SEMA5B: variants seen among roughly 807,000 people sequenced by gnomAD.
The protein encoded by SEMA5B is semaphorin-5B.
Under a neutral mutation model 135.0 loss-of-function variants are expected in SEMA5B, and 66 were observed. The observed-to-expected ratio is 0.49, with a 90% CI of 0.40 to 0.60. The LOEUF (loss-of-function observed/expected upper bound fraction) is 0.60. Among genes scored for constraint, SEMA5B ranks in the 20% least tolerant of loss-of-function variants. The pLI is 0.00. For missense variants in SEMA5B, 1,501 were observed against 1,566.3 expected (o/e 0.96, Z 0.70); for synonymous variants, 690 against 639.5 (o/e 1.08, Z -1.19).
rs2107605399 is a variant in SEMA5B, at chr3:122,961,311, G to T, written c.-38-10C>A. 4 of 1,612,170 alleles carry T rather than the reference G, an allele frequency of 2.5e-6. No individual in the cohort carries two copies. The highest frequency in any genetic ancestry group is 2.2e-5 in the East Asian group (1 of 44,858). ...CAGCTGGAACCACTCACTGAAGGGG[G>T]AGAATTTTGGGTAAGTCATGGATAC... On this transcript the variant is annotated splice_polypyrimidine_tract_variant and intron_variant, in intron 1 of 22. Coordinates refer to ENST00000357599, the MANE Select transcript of SEMA5B (RefSeq NM_001031702.4).
intron 2 of SEMA5B, 74 bp downstream of exon 2, chr3:122,961,066 A>AG (rs907567878): frequency 6.9e-7 from 1 of 1,458,134 alleles, no homozygotes; most frequent in African/African-American, 1.4e-5. Flanking sequence ...GCCCCAGATG[A>AG]GGGGGTCTTC....
At chr3:123,014,187 A>G (rs1426204563) in intron 1 of SEMA5B, among the ~76,000 whole-genome samples, 1 of 152,210 alleles carries the variant, frequency 6.6e-6, no homozygotes, top group Non-Finnish European at 1.5e-5. Flanking sequence ...TGGGCCACAC[A>G]GTCCTCACTA....
chr3:123,004,559 T>C (rs1344946678), intron 1 of SEMA5B, among the ~76,000 whole-genome samples: 1 of 152,208 alleles, frequency 6.6e-6, no homozygotes, highest in African/African-American at 2.4e-5. Context: ...TGGCTAACAA[T>C]GTAAAACTGT....
intron 1 of SEMA5B, among the ~76,000 whole-genome samples, chr3:122,983,056 G>T (rs1188913308): frequency 6.6e-6 from 1 of 152,094 alleles, no homozygotes; most frequent in African/African-American, 2.4e-5. Flanking sequence ...GCCAGGCAGG[G>T]CGGCTGCGGG....
At chr3:122,997,518 T>TCTCCCCC (rs764169923) in intron 1 of SEMA5B, among the ~76,000 whole-genome samples, 1,945 of 141,842 alleles carry the variant, frequency 0.014, 58 homozygotes, top group South Asian at 0.034. Context: ...CCCAGGCCTC[T>TCTCCCCC]CCCCCCCCCG....
At chr3:123,023,719 A>G (rs1942740891) in intron 1 of SEMA5B, among the ~76,000 whole-genome samples, 1 of 152,232 alleles carries the variant, frequency 6.6e-6, no homozygotes, top group Non-Finnish European at 1.5e-5. Flanking sequence ...CCACAGGGGA[A>G]AAAACACCAC....
chr3:122,948,615 G>C lies in SEMA5B; in HGVS notation c.219C>G (p.Ser73Arg), dbSNP rs761479180. ...GPLAVSLLLP[S>R]LTLLVSHLSS... ...AGAGGTGGGACACCAGCAGTGTGAG[G>C]CTGGGCAGCAACAGCGAGACAGCCA... Residue 73 changes from serine (S) to arginine (R), a missense_variant, in exon 3 of 23, where the codon AGC becomes AGG. By Grantham distance (110) the Ser-to-Arg change is moderately radical. Transcript: ENST00000357599. 11 of 1,614,038 alleles carry C rather than the reference G, an allele frequency of 6.8e-6. No individual in the cohort carries two copies. The South Asian group carries it at 1.2e-4, about 18-fold the overall frequency.
At position 122,949,624 on chromosome 3, in the gene SEMA5B, G is replaced by GACAT. The variant is rs1165385665; in HGVS notation, c.125-916_125-915insATGT. On this transcript the variant is annotated intron_variant, in intron 2 of 22. Transcript: ENST00000357599. Reference sequence around the variant, plus strand: ...TACTAACAAATTAGCCACATTATAAGACAGTATGGCTCAGGAGTCATTCAG... The same window carrying GACAT: ...TACTAACAAATTAGCCACATTATAAGACATACAGTATGGCTCAGGAGTCATTCAG... Among the ~76,000 whole-genome samples, 3 of 152,202 alleles carry GACAT rather than the reference G, an allele frequency of 2.0e-5. No individual in the cohort carries two copies. The East Asian group carries it at 5.8e-4, about 29-fold the overall frequency.
chr3:122,915,952 G>T, intron 12 of SEMA5B, 62 bp from the exon 13 acceptor site: 1 of 1,110,174 alleles, frequency 9.0e-7, no homozygotes, highest in South Asian at 1.2e-5. Context: ...TGCATCTCAG[G>T]AACACACGTG....
In SEMA5B at chr3:122,913,048, GA is replaced by G; in HGVS notation, c.2519del (p.Val840AlafsTer13). On this transcript the variant is annotated frameshift_variant, in exon 18 of 23. Coordinates refer to ENST00000357599, the MANE Select transcript of SEMA5B (RefSeq NM_001031702.4). LOFTEE classifies it high-confidence loss of function. ...GSCDTDALVE[V>X]LLRSGSTSPH... The stretch of plus-strand genomic sequence containing the variant: ...GGGAGGTGCTCCCGCTGCGCAGGAG[GA>G]CCTCCACCAGGGCTGCGGAGGGGCT... 1.3e-6 allele frequency: 2 copies of G among 1,545,578 alleles called. No homozygotes were observed. Among genetic ancestry groups the G allele is most frequent in the Non-Finnish European group, 1.7e-6 (2 of 1,147,498 alleles).
chr3:122,913,034 C>T lies in SEMA5B; in HGVS notation c.2534G>A (p.Gly845Glu), dbSNP rs1310743818. Reference sequence around the variant, plus strand: ...GCTCACCGTGTGCGGGGAGGTGCTCCCGCTGCGCAGGAGGACCTCCACCAG... The same window carrying T: ...GCTCACCGTGTGCGGGGAGGTGCTCTCGCTGCGCAGGAGGACCTCCACCAG... ...DALVEVLLRS[G>E]STSPHTVSGG... Residue 845 changes from glycine (G) to glutamate (E), a missense_variant, in exon 18 of 23, where the codon GGG becomes GAG. By Grantham distance (98) the Gly-to-Glu change is moderately conservative (BLOSUM62 -2). Coordinates refer to ENST00000357599, the MANE Select transcript of SEMA5B (RefSeq NM_001031702.4). 8 of 1,571,378 alleles carry T rather than the reference C, an allele frequency of 5.1e-6. No individual in the cohort carries two copies. The highest frequency in any genetic ancestry group is 1.4e-5 in the African/African-American group (1 of 73,718).
intron 1 of SEMA5B, among the ~76,000 whole-genome samples, chr3:122,976,866 A>G (rs1233828301): frequency 6.6e-6 from 1 of 152,200 alleles, no homozygotes. Flanking sequence ...CCTTGCCAAC[A>G]TGATGAAACC....
intron 2 of SEMA5B, among the ~76,000 whole-genome samples, chr3:122,954,950 G>C (rs1276618119): frequency 6.7e-6 from 1 of 149,984 alleles, no homozygotes; most frequent in African/African-American, 2.5e-5. Context: ...ATACCACCAG[G>C]CTGGGCAATT....
intron 1 of SEMA5B, among the ~76,000 whole-genome samples, chr3:122,966,405 C>T (rs1048042829): frequency 1.3e-5 from 2 of 152,194 alleles, no homozygotes; most frequent in African/African-American, 4.8e-5. Flanking sequence ...GTCTGTAGTA[C>T]TGCCTGAAAT....
intron 3 of SEMA5B, among the ~76,000 whole-genome samples, chr3:122,946,486 G>T (rs564020287): frequency 6.6e-6 from 1 of 152,224 alleles, no homozygotes; most frequent in East Asian, 1.9e-4. Context: ...GCTGGGGTTG[G>T]TGCTGTCCTT....
At chr3:122,942,948 T>C (rs1318960202) in intron 4 of SEMA5B, among the ~76,000 whole-genome samples, 1 of 152,146 alleles carries the variant, frequency 6.6e-6, no homozygotes, top group Non-Finnish European at 1.5e-5. Flanking sequence ...GAGTACTGTC[T>C]GTTGATATTG....
At chr3:123,003,032 G>A (rs1173705716) in intron 1 of SEMA5B, among the ~76,000 whole-genome samples, 1 of 152,100 alleles carries the variant, frequency 6.6e-6, no homozygotes, top group Non-Finnish European at 1.5e-5. Flanking sequence ...TCAACAAGCA[G>A]GTATAGTTAC....
intron 13 of SEMA5B, 21 bp downstream of exon 13, chr3:122,915,752 A>G: frequency 6.2e-7 from 1 of 1,611,222 alleles, no homozygotes; most frequent in Non-Finnish European, 8.5e-7. Flanking sequence ...CTGAGATGGG[A>G]GGACACAAGG....
chr3:122,912,863 C>A lies in SEMA5B; in HGVS notation c.2705G>T (p.Cys902Phe). 1 of 1,592,174 alleles carries A rather than the reference C, an allele frequency of 6.3e-7. No homozygotes were observed. The change falls in exon 18 of 23, where the codon TGC (cysteine) becomes TTC (phenylalanine). Residue 902 changes from cysteine to phenylalanine, a missense_variant. Around this residue, in one of 2 missense-constraint regions of SEMA5B, gnomAD observed 927 missense variants for 881.6 expected, o/e 1.05. Coordinates refer to ENST00000357599, the MANE Select transcript of SEMA5B (RefSeq NM_001031702.4). ...CVGDAAEYQD[C>F]NPQACPVRGA... Reference sequence around the variant, plus strand: ...GTTACCTGGGCAAGCCTGGGGGTTGCAGTCCTGGTACTCGGCAGCATCGCC... The same window carrying A: ...GTTACCTGGGCAAGCCTGGGGGTTGAAGTCCTGGTACTCGGCAGCATCGCC...
Sources: allele counts gnomAD v4.1 joint callset (sites outside exome capture counted in the v4.1 genomes callset), GRCh38; gene constraint gnomAD v4.1.1; regional missense constraint gnomAD v4.1.1; transcripts MANE v1.5; gene names NCBI Gene and HGNC (gene_info 2026-07-23, HGNC 2026-07-21).